The following LARP1B variants were observed in gnomAD, a reference collection of about 807,000 sequenced individuals.
The protein encoded by LARP1B is La ribonucleoprotein 1B.
Under a neutral mutation model 114.2 loss-of-function variants are expected in LARP1B, and 76 were observed. The observed-to-expected ratio is 0.67, with a 90% CI of 0.55 to 0.81. LARP1B has a LOEUF of 0.81. Ranked by LOEUF, LARP1B falls within the 30% of genes least tolerant of loss-of-function variation. The pLI is 0.00. For synonymous variants in LARP1B, 345 were observed against 348.0 expected (o/e 0.99, Z 0.10); for missense variants, 1,014 against 1,075.8 (o/e 0.94, Z 0.80).
At chr4:128,103,223 A>G (rs1157530446) in intron 8 of LARP1B, among the ~76,000 whole-genome samples, 2 of 152,096 alleles carry the variant, frequency 1.3e-5, no homozygotes, top group African/African-American at 2.4e-5. Flanking sequence ...TGCATGGTGT[A>G]ATTTTTATAT....
chr4:128,193,174 G>A lies in LARP1B; in HGVS notation c.2004-6265G>A, dbSNP rs1752831285. 2.0e-5 allele frequency among the ~76,000 whole-genome samples: 3 copies of A among 152,130 alleles called. No homozygotes were observed. In the South Asian group the frequency reaches 6.2e-4, roughly 32 times the overall value. ...TATACTTTGTTATTATTTTTCTTTA[G>A]ACAGTTATGTGTACATGTATATACA... On this transcript the variant is annotated intron_variant, in intron 15 of 19. Coordinates refer to ENST00000326639, the MANE Select transcript of LARP1B (RefSeq NM_018078.4).
chr4:128,156,350 C>T (rs1735665457), intron 11 of LARP1B: 3 of 664,696 alleles, frequency 4.5e-6, no homozygotes, highest in Non-Finnish European at 5.4e-6. Flanking sequence ...CCATATTGTG[C>T]TTCACAGTAG....
At chr4:128,081,188 C>T (rs930145781) in intron 4 of LARP1B, among the ~76,000 whole-genome samples, 10 of 150,890 alleles carry the variant, frequency 6.6e-5, no homozygotes, top group Non-Finnish European at 1.2e-4. Context: ...AAGGAATTCT[C>T]CTGTCTCAGC....
At chr4:128,103,873 T>A (rs568281426) in intron 8 of LARP1B, among the ~76,000 whole-genome samples, 1 of 152,098 alleles carries the variant, frequency 6.6e-6, no homozygotes, top group African/African-American at 2.4e-5. Context: ...CCTCTTTTTT[T>A]ATTTTTTATA....
chr4:128,181,482 C>G (rs1041959395), intron 15 of LARP1B, among the ~76,000 whole-genome samples: 3 of 151,904 alleles, frequency 2.0e-5, no homozygotes, highest in Admixed American at 6.6e-5. Flanking sequence ...GCCCAGCTGT[C>G]TCATCTATTC....
chr4:128,128,411 G>A (rs769207311), intron 11 of LARP1B, among the ~76,000 whole-genome samples: 6 of 152,128 alleles, frequency 3.9e-5, no homozygotes, highest in Non-Finnish European at 2.9e-5. Flanking sequence ...CTGTTAAACT[G>A]AAATGTATTT....
At position 128,162,299 on chromosome 4, in the gene LARP1B, C is replaced by T; in HGVS notation, c.1630C>T (p.Pro544Ser). ...FEPNQEVPVAPSQSRQGGVQG... is the reference protein window; with the variant it reads ...FEPNQEVPVASSQSRQGGVQG... Reference sequence around the variant, plus strand: ...GCCAAACCAAGAAGTTCCTGTAGCACCTTCACAGTCCAGGCAAGGTATGTA... The same window carrying T: ...GCCAAACCAAGAAGTTCCTGTAGCATCTTCACAGTCCAGGCAAGGTATGTA... Residue 544 changes from proline (P) to serine (S), a missense_variant, in exon 12 of 20, where the codon CCT becomes TCT. Transcript: ENST00000326639. 1.2e-6 allele frequency: 2 copies of T among 1,613,080 alleles called. No homozygotes were observed.
chr4:128,204,334 A>G (rs1382272354), intron 17 of LARP1B, among the ~76,000 whole-genome samples: 1 of 152,150 alleles, frequency 6.6e-6, no homozygotes, highest in Non-Finnish European at 1.5e-5. Flanking sequence ...GACTATAGTC[A>G]ATGGTAGCTT....
intron 15 of LARP1B, among the ~76,000 whole-genome samples, chr4:128,193,898 G>A (rs1029785765): frequency 2.4e-4 from 37 of 152,280 alleles, no homozygotes; most frequent in African/African-American, 6.7e-4. Context: ...GATTACAGGC[G>A]TGAGCCACTG....
chr4:128,138,072 G>T (rs1186590860), intron 11 of LARP1B, among the ~76,000 whole-genome samples: 2 of 152,010 alleles, frequency 1.3e-5, no homozygotes, highest in Admixed American at 6.6e-5. Context: ...TTGATCTCAA[G>T]AAGTTAGGAA....
At chr4:128,159,435 C>G (rs1402642680) in intron 11 of LARP1B, among the ~76,000 whole-genome samples, 3 of 152,114 alleles carry the variant, frequency 2.0e-5, no homozygotes, top group Non-Finnish European at 4.4e-5. Context: ...TGTTCTTCAT[C>G]TCTATAATTT....
At position 128,163,321 on chromosome 4, in the gene LARP1B, A is replaced by G. The variant is rs1166504568; in HGVS notation, c.1648+1004A>G. Among the ~76,000 whole-genome samples, 3 of 152,154 alleles carry G rather than the reference A, an allele frequency of 2.0e-5. No individual in the cohort carries two copies. In the South Asian group the frequency reaches 6.2e-4, roughly 31 times the overall value. Reference sequence around the variant, plus strand: ...TAGTCCTGAATTATCTATAACTGTTAGTTCAGCATAGAGACTTGATTAGAT... The same window carrying G: ...TAGTCCTGAATTATCTATAACTGTTGGTTCAGCATAGAGACTTGATTAGAT... On this transcript the variant is annotated intron_variant, in intron 12 of 19. Coordinates refer to ENST00000326639, the MANE Select transcript of LARP1B (RefSeq NM_018078.4).
In LARP1B at chr4:128,089,635, T is replaced by A. The variant is rs996953879; in HGVS notation, c.359-1366T>A. ...ACAGGTGTGAGCCACCGCACCCGGC[T>A]AATGTTCTACCTTTTTAAACTTTGT... On this transcript the variant is annotated intron_variant, in intron 5 of 19. Transcript: ENST00000326639. Among the ~76,000 whole-genome samples, 11 of 151,892 alleles carry A rather than the reference T, an allele frequency of 7.2e-5. No homozygotes were observed. The East Asian group carries it at 2.2e-3, about 30-fold the overall frequency.
intron 1 of LARP1B, among the ~76,000 whole-genome samples, chr4:128,068,472 C>T (rs1240233923): frequency 6.6e-6 from 1 of 152,132 alleles, no homozygotes; most frequent in East Asian, 1.9e-4. Flanking sequence ...AGGCATGTGC[C>T]ACCATGCCTG....
chr4:128,069,013 A>G lies in LARP1B; in HGVS notation c.-77-5447A>G. 13 of 833,984 alleles carry G rather than the reference A, an allele frequency of 1.6e-5. No individual in the cohort carries two copies. The South Asian group carries it at 2.3e-4, about 15-fold the overall frequency. The allele number at this position is 833,984 out of a possible 1,614,324, so 51.7% of individuals were successfully genotyped here. A position where few individuals can be genotyped will look rare whatever the true frequency, so the allele number is the denominator to read the frequency against. On this transcript the variant is annotated intron_variant, in intron 1 of 19. Coordinates refer to ENST00000326639, the MANE Select transcript of LARP1B (RefSeq NM_018078.4). The stretch of plus-strand genomic sequence containing the variant: ...TATGAATTTTACAAACTTTACTTAT[A>G]TTGGCTGTAACGGTGGAGCTGGAGA...
chr4:128,062,169 C>T (rs915793048), intron 1 of LARP1B: 5 of 985,278 alleles, frequency 5.1e-6, no homozygotes, highest in Middle Eastern at 5.2e-4. Context: ...CAGCACCTGT[C>T]CCCAGACACG....
At position 128,090,576 on chromosome 4, in the gene LARP1B, T is replaced by C. The variant is rs1045738311; in HGVS notation, c.359-425T>C. 1.8e-3 allele frequency among the ~76,000 whole-genome samples: 281 copies of C among 152,134 alleles called. 1 individual carries two copies. Among genetic ancestry groups the C allele is most frequent in the African/African-American group, 6.6e-3 (275 of 41,394 alleles). On this transcript the variant is annotated intron_variant, in intron 5 of 19. Coordinates refer to ENST00000326639, the MANE Select transcript of LARP1B (RefSeq NM_018078.4). ...GCTTCAGATATCTTTTCTCAATTTG[T>C]TTTGTGTTTTCATTTCCTTTTTACT...
At position 128,070,993 on chromosome 4, in the gene LARP1B, C is replaced by A. The variant is rs572052462; in HGVS notation, c.-77-3467C>A. 5.6e-3 allele frequency among the ~76,000 whole-genome samples: 845 copies of A among 151,940 alleles called. 10 individuals are homozygous for A. The highest frequency in any genetic ancestry group is 0.019 in the African/African-American group (795 of 41,464). On this transcript the variant is annotated intron_variant, in intron 1 of 19. Transcript: ENST00000326639. ...GAAGTAGAATTGTTAGGTTATAGGG[C>A]ATTTTTTAAGTTTATGAGTCACTTT...
chr4:128,106,050 A>G (rs1338572507), intron 8 of LARP1B, among the ~76,000 whole-genome samples: 1 of 150,368 alleles, frequency 6.7e-6, no homozygotes, highest in Admixed American at 6.6e-5. Context: ...TTTGAGATGG[A>G]ATCTTGCTCT....
Sources: allele counts gnomAD v4.1 joint callset (sites outside exome capture counted in the v4.1 genomes callset), GRCh38; gene constraint gnomAD v4.1.1; transcripts MANE v1.5; gene names NCBI Gene and HGNC (gene_info 2026-07-23, HGNC 2026-07-21).